PDCD6IP: variants seen among roughly 807,000 people sequenced by gnomAD.
PDCD6IP encodes the protein programmed cell death 6-interacting protein.
A neutral mutation model predicts 103.7 loss-of-function variants in PDCD6IP; 43 were observed. The ratio of observed to expected loss-of-function variants is 0.41; its 90% confidence interval spans 0.32 to 0.53. PDCD6IP has a LOEUF of 0.53. PDCD6IP is among the 20% of genes least tolerant of loss of function. The pLI is 0.16. For missense variants in PDCD6IP, 871 were observed against 1,036.7 expected (o/e 0.84, Z 2.20); for synonymous variants, 354 against 378.7 (o/e 0.93, Z 0.76).
intron 7 of PDCD6IP, among the ~76,000 whole-genome samples, chr3:33,834,551 T>C (rs971495391): frequency 3.3e-5 from 5 of 152,202 alleles, no homozygotes; most frequent in African/African-American, 4.8e-5. Flanking sequence ...GCTTTGGAGG[T>C]TAAGATTTTT....
Position 33,799,007 on chromosome 3 carries a change from C to G in PDCD6IP, c.209+70C>G, listed in dbSNP as rs1696402030. On this transcript the variant is annotated intron_variant, in intron 1 of 17. Transcript: ENST00000307296. ...CTCGCCGCTCCTCTTCCCGTCTCCC[C>G]CCTTCCTTCAATCCTGTAACCTGGG... The G allele has an allele frequency of 3.7e-6, 5 of 1,347,180 alleles. No homozygotes were observed. In the South Asian group the frequency reaches 4.2e-5, roughly 11 times the overall value. 83.5% of individuals were successfully genotyped at this position (1,347,180 alleles called of 1,614,324 possible). A position where few individuals can be genotyped will look rare whatever the true frequency, so the allele number is the denominator to read the frequency against.
At chr3:33,822,741 C>T (rs911372638) in intron 4 of PDCD6IP, among the ~76,000 whole-genome samples, 16 of 152,078 alleles carry the variant, frequency 1.1e-4, no homozygotes, top group Non-Finnish European at 1.6e-4. Flanking sequence ...CTGCAAGCTC[C>T]GCCTCCTGGG....
rs778280323 is a variant in PDCD6IP at position 33,836,126 on chromosome 3, G to C, written c.917G>C (p.Arg306Pro). ...NVKDFSDKIN[R>P]ALAAAKKDND... ...AAGGATTTTTCTGACAAAATCAATC[G>C]TGCCCTTGCTGCAGCAAAGAAGGAT... Residue 306 changes from arginine (R) to proline (P), a missense_variant, in exon 8 of 18, where the codon CGT (arginine) becomes CCT (proline). Arg to Pro is a moderately radical substitution (Grantham distance 103). Coordinates refer to ENST00000307296, the MANE Select transcript of PDCD6IP (RefSeq NM_013374.6). 1 of 1,610,680 alleles carries C rather than the reference G, an allele frequency of 6.2e-7. No individual in the cohort carries two copies. Among genetic ancestry groups the C allele is most frequent in the Non-Finnish European group, 8.5e-7 (1 of 1,177,112 alleles).
chr3:33,826,007 A>G (rs1342875975), intron 5 of PDCD6IP, among the ~76,000 whole-genome samples: 3 of 152,156 alleles, frequency 2.0e-5, no homozygotes, highest in African/African-American at 7.2e-5. Context: ...TAAGGCATAT[A>G]AGTTAGCATG....
intron 8 of PDCD6IP, among the ~76,000 whole-genome samples, chr3:33,837,351 A>G (rs1304658015): frequency 6.6e-6 from 1 of 152,236 alleles, no homozygotes; most frequent in East Asian, 1.9e-4. Flanking sequence ...TTACTGGGAA[A>G]GGGTGATTAT....
At chr3:33,850,516 C>T (rs1425266452) in intron 12 of PDCD6IP, among the ~76,000 whole-genome samples, 3 of 151,916 alleles carry the variant, frequency 2.0e-5, no homozygotes, top group Admixed American at 6.6e-5. Context: ...TTTGCAAGAA[C>T]AACAACAAAC....
Position 33,867,196 on chromosome 3 carries a change from ATT to A in PDCD6IP, c.*672_*673del, listed in dbSNP as rs1416048020. 1 of 152,170 alleles carries A rather than the reference ATT, an allele frequency of 6.6e-6. No homozygotes were observed. The highest frequency in any genetic ancestry group is 6.5e-5 in the Admixed American group (1 of 15,268). 9.4% of individuals were successfully genotyped at this position (152,170 alleles called of 1,614,324 possible). A position where few individuals can be genotyped will look rare whatever the true frequency, so the allele number is the denominator to read the frequency against. On this transcript the variant is annotated 3_prime_UTR_variant, in exon 18 of 18. Coordinates refer to ENST00000307296, the MANE Select transcript of PDCD6IP (RefSeq NM_013374.6). ...ATCATACTTTATCTTTCGTATGCTG[ATT>A]AGTAAACGATTTTTGACATTTATTT...
intron 8 of PDCD6IP, among the ~76,000 whole-genome samples, chr3:33,837,582 C>T (rs1429795347): frequency 1.3e-5 from 2 of 151,178 alleles, no homozygotes; most frequent in Non-Finnish European, 2.9e-5. Flanking sequence ...CCGTGACCCA[C>T]TCAGTCAATT....
chr3:33,823,763 CAA>C (rs1697048352), intron 4 of PDCD6IP, among the ~76,000 whole-genome samples: 1 of 152,080 alleles, frequency 6.6e-6, no homozygotes, highest in African/African-American at 2.4e-5. Flanking sequence ...GTCTGGGCGA[CAA>C]GAGCAAGACT....
chr3:33,799,140 C>G (rs1307748596), intron 1 of PDCD6IP: 1 of 598,454 alleles, frequency 1.7e-6, no homozygotes, highest in African/African-American at 1.9e-5. Context: ...GCTTGTCCTG[C>G]CTGCACGTCT....
intron 1 of PDCD6IP, among the ~76,000 whole-genome samples, chr3:33,810,321 A>G (rs1485476527): frequency 2.0e-5 from 3 of 152,122 alleles, no homozygotes; most frequent in Non-Finnish European, 4.4e-5. Context: ...AGATTGGTTC[A>G]GTGCTTAGCC....
chr3:33,801,112 G>T (rs1162520113), intron 1 of PDCD6IP, among the ~76,000 whole-genome samples: 1 of 152,088 alleles, frequency 6.6e-6, no homozygotes, highest in Admixed American at 6.6e-5. Flanking sequence ...CTTCTAGAGG[G>T]GTTAGGGTAA....
intron 17 of PDCD6IP, 88 bp downstream of exon 17, chr3:33,865,518 C>A: frequency 2.9e-6 from 3 of 1,037,852 alleles, no homozygotes; most frequent in Non-Finnish European, 4.1e-6. Flanking sequence ...ATCCCTTCTC[C>A]AAATGGAGGT....
At chr3:33,849,927 A>T (rs1307951453) in intron 12 of PDCD6IP, among the ~76,000 whole-genome samples, 1 of 151,330 alleles carries the variant, frequency 6.6e-6, no homozygotes, top group Non-Finnish European at 1.5e-5. Context: ...TTGAAATGGC[A>T]TTTTTTTTTC....
chr3:33,832,962 A>G (rs1697273176), intron 7 of PDCD6IP, among the ~76,000 whole-genome samples: 1 of 152,170 alleles, frequency 6.6e-6, no homozygotes, highest in African/African-American at 2.4e-5. Flanking sequence ...TCAAACATAT[A>G]TAAAAGTATG....
At chr3:33,831,010 A>T (rs551538523) in intron 7 of PDCD6IP, among the ~76,000 whole-genome samples, 1 of 152,254 alleles carries the variant, frequency 6.6e-6, no homozygotes, top group South Asian at 2.1e-4. Flanking sequence ...ATAAAATCAC[A>T]ATCAGGAAAA....
chr3:33,808,571 G>A (rs151179948), intron 1 of PDCD6IP, among the ~76,000 whole-genome samples: 71 of 152,204 alleles, frequency 4.7e-4, no homozygotes, highest in Middle Eastern at 3.4e-3. Context: ...GAGCCACAGC[G>A]CCTGGCCTAG....
intron 5 of PDCD6IP, 140 bp downstream of exon 5, chr3:33,825,480 T>C: frequency 1.5e-6 from 1 of 667,276 alleles, no homozygotes. Context: ...AATTTTCAGC[T>C]ATCCTTTTCT....
intron 15 of PDCD6IP, among the ~76,000 whole-genome samples, chr3:33,863,382 C>T (rs1027850076): frequency 1.3e-5 from 2 of 152,154 alleles, no homozygotes; most frequent in African/African-American, 4.8e-5. Flanking sequence ...TATTTATTCT[C>T]TCTGACTGTA....
Sources: allele counts gnomAD v4.1 joint callset (sites outside exome capture counted in the v4.1 genomes callset), GRCh38; gene constraint gnomAD v4.1.1; transcripts MANE v1.5; gene names NCBI Gene and HGNC (gene_info 2026-07-23, HGNC 2026-07-21).